CTNNBIP1: variants seen among roughly 807,000 people sequenced by gnomAD.
The protein encoded by CTNNBIP1 is beta-catenin-interacting protein 1.
In CTNNBIP1, 7 loss-of-function variants were observed where a neutral mutation model predicts 11.8. The ratio of observed to expected loss-of-function variants is 0.60; its 90% CI spans 0.34 to 1.12. CTNNBIP1 has a LOEUF of 1.12. CTNNBIP1 is among the 50% of genes most tolerant of loss of function. The probability of loss-of-function intolerance (pLI) is 0.03; values close to 1 mark genes in which losing one functional copy is unlikely to be tolerated. For missense variants in CTNNBIP1, 101 were observed against 113.4 expected (o/e 0.89, Z 0.50); for synonymous variants, 58 against 43.9 (o/e 1.32, Z -1.26).
At chr1:9,875,288 G>A (rs1299384463) in intron 3 of CTNNBIP1, among the ~76,000 whole-genome samples, 1 of 152,228 alleles carries the variant, frequency 6.6e-6, no homozygotes, top group Non-Finnish European at 1.5e-5. Flanking sequence ...AAGGACTGGT[G>A]TCTGGTTTTT....
chr1:9,860,439 A>AG (rs1471128392), intron 5 of CTNNBIP1, among the ~76,000 whole-genome samples: 1 of 150,076 alleles, frequency 6.7e-6, no homozygotes, highest in East Asian at 2.0e-4. Flanking sequence ...AAAAAAAAAA[A>AG]AAAAAAAAAA....
intron 5 of CTNNBIP1, among the ~76,000 whole-genome samples, chr1:9,858,365 A>G (rs1638551964): frequency 6.6e-6 from 1 of 152,008 alleles, no homozygotes; most frequent in Non-Finnish European, 1.5e-5. Flanking sequence ...CCACCTCCTC[A>G]CTGTGGCCTG....
At chr1:9,884,167 C>T (rs971595268) in intron 1 of CTNNBIP1, among the ~76,000 whole-genome samples, 10 of 151,894 alleles carry the variant, frequency 6.6e-5, no homozygotes, top group Middle Eastern at 3.2e-3. Flanking sequence ...TGAGTGGGGG[C>T]GACGGGACTG....
In CTNNBIP1 at chr1:9,871,334, C is replaced by G. The variant is rs1293945126; in HGVS notation, c.97-57G>C. On this transcript the variant is annotated intron_variant, in intron 4 of 5. Transcript: ENST00000377263. The surrounding 1 kb of genome is among the most constrained non-coding windows in gnomAD (Gnocchi z 5.2). ...GCATGCACCTGTTCCCTGAAAGGCA[C>G]CTGCACCCCTAGAGGCACCGCCTAG... is the stretch of plus-strand genomic sequence containing the variant. 1 of 1,309,312 alleles carries G rather than the reference C, an allele frequency of 7.6e-7. No homozygotes were observed. Among genetic ancestry groups the G allele is most frequent in the Non-Finnish European group, 1.1e-6 (1 of 932,272 alleles). 81.1% of individuals were successfully genotyped at this position (1,309,312 alleles called of 1,614,324 possible). A position where few individuals can be genotyped will look rare whatever the true frequency, so the allele number is the denominator to read the frequency against.
intron 5 of CTNNBIP1, among the ~76,000 whole-genome samples, chr1:9,866,160 T>C (rs1638739077): frequency 6.6e-6 from 1 of 152,104 alleles, no homozygotes; most frequent in Non-Finnish European, 1.5e-5. Context: ...ACAGTGTGGG[T>C]GTAGCACAGC....
At chr1:9,885,120 G>C (rs1021825701) in intron 1 of CTNNBIP1, among the ~76,000 whole-genome samples, 1 of 152,194 alleles carries the variant, frequency 6.6e-6, no homozygotes, top group Non-Finnish European at 1.5e-5. Context: ...TCAGGTGAGA[G>C]GGCAGCAGCA....
Position 9,871,121 on chromosome 1 carries a change from A to G in CTNNBIP1, c.187+66T>C. On this transcript the variant is annotated intron_variant, in intron 5 of 5. Transcript: ENST00000377263. The surrounding 1 kb of genome is among the most constrained non-coding windows in gnomAD (Gnocchi z 5.2). ...AAGAGGGCTGGAGCTACGCTTTCTA[A>G]GGGAACCACAAGTCGGTGCCCCTGG... 1 of 1,239,978 alleles carries G rather than the reference A, an allele frequency of 8.1e-7. No individual in the cohort carries two copies. Among genetic ancestry groups the G allele is most frequent in the Non-Finnish European group, 1.1e-6 (1 of 880,134 alleles). The allele number at this position is 1,239,978 out of a possible 1,614,324, so 76.8% of individuals were successfully genotyped here.
rs1343207950 is a variant in CTNNBIP1 at position 9,848,522 on chromosome 1, T to G, written c.*2196A>C. 1 of 152,116 alleles carries G rather than the reference T, an allele frequency of 6.6e-6. No individual in the cohort carries two copies. 9.4% of individuals were successfully genotyped at this position (152,116 alleles called of 1,614,324 possible). A position where few individuals can be genotyped will look rare whatever the true frequency, so the allele number is the denominator to read the frequency against. The stretch of plus-strand genomic sequence containing the variant: ...GCTACAAAGAGGGGGCAGCCAGCAA[T>G]GTGGCCTCGACACCTGACTCCAGGC... On this transcript the variant is annotated 3_prime_UTR_variant, in exon 6 of 6. Transcript: ENST00000377263. This position sits in a 1 kb window ranked among gnomAD's most constrained non-coding sequence, Gnocchi z 4.3.
At chr1:9,876,089 C>G (rs1638963344) in intron 3 of CTNNBIP1, among the ~76,000 whole-genome samples, 1 of 152,192 alleles carries the variant, frequency 6.6e-6, no homozygotes, top group Non-Finnish European at 1.5e-5. Flanking sequence ...AAAAACTGGT[C>G]TCCATTAAAC....
rs1410454801 is a variant in CTNNBIP1, at chr1:9,892,552, C to A, written c.-143-8814G>T. Among the ~76,000 whole-genome samples the A allele has an allele frequency of 2.0e-5, 3 of 150,890 alleles. 1 individual carries two copies. The highest frequency in any genetic ancestry group is 6.6e-5 in the Admixed American group (1 of 15,168). On this transcript the variant is annotated intron_variant, in intron 1 of 5. Coordinates refer to ENST00000377263, the MANE Select transcript of CTNNBIP1 (RefSeq NM_020248.3). Reference sequence around the variant, plus strand: ...AGGTTGCAGTGAGCTATGATCACACCACTGCACCCCAGCCTGGGCAACAGA... The same window carrying A: ...AGGTTGCAGTGAGCTATGATCACACAACTGCACCCCAGCCTGGGCAACAGA...
chr1:9,910,004 C>T, intron 1 of CTNNBIP1, 91 bp downstream of exon 1: 1 of 150,882 alleles, frequency 6.6e-6, no homozygotes, highest in Non-Finnish European at 1.5e-5. Context: ...GGCCCCTCCC[C>T]GGCAGACAAA....
intron 2 of CTNNBIP1, among the ~76,000 whole-genome samples, chr1:9,880,213 G>A (rs1401261452): frequency 2.0e-5 from 3 of 151,464 alleles, no homozygotes; most frequent in Non-Finnish European, 4.4e-5. Context: ...CCACTTATGA[G>A]TGAGAACATA....
chr1:9,892,640 G>A (rs1639330895), intron 1 of CTNNBIP1, among the ~76,000 whole-genome samples: 1 of 151,926 alleles, frequency 6.6e-6, no homozygotes, highest in African/African-American at 2.4e-5. Flanking sequence ...CTTTCCAACA[G>A]GCTGTCAGCA....
intron 1 of CTNNBIP1, among the ~76,000 whole-genome samples, chr1:9,890,034 G>C (rs988310171): frequency 1.1e-4 from 16 of 152,170 alleles, no homozygotes; most frequent in Admixed American, 8.5e-4. Flanking sequence ...ACACACCAAG[G>C]AGCTGGAGGA....
At chr1:9,885,769 C>T (rs1209847399) in intron 1 of CTNNBIP1, among the ~76,000 whole-genome samples, 1 of 151,944 alleles carries the variant, frequency 6.6e-6, no homozygotes, top group Non-Finnish European at 1.5e-5. Context: ...CATGGAGAAA[C>T]CCTGTCTCTA....
intron 1 of CTNNBIP1, among the ~76,000 whole-genome samples, chr1:9,890,513 C>T (rs6666582): frequency 0.016 from 2,483 of 152,290 alleles, 68 homozygotes; most frequent in African/African-American, 0.056. Context: ...GGAACCAGCA[C>T]GCCTACAAAA....
Position 9,867,114 on chromosome 1 carries a change from G to GAGAGGGGGCAACCCTGC in CTNNBIP1, c.187+4072_187+4073insGCAGGGTTGCCCCCTCT, listed in dbSNP as rs1553189240. Among the ~76,000 whole-genome samples, 2 of 152,208 alleles carry GAGAGGGGGCAACCCTGC rather than the reference G, an allele frequency of 1.3e-5. No homozygotes were observed. Among genetic ancestry groups the GAGAGGGGGCAACCCTGC allele is most frequent in the African/African-American group, 4.8e-5 (2 of 41,456 alleles). ...AGCACTGCGTGTGGAACAGGGAGAAGAGAGGGGGCAACCCTGGAGGATGAC... is the reference window on the plus strand; with the variant it reads ...AGCACTGCGTGTGGAACAGGGAGAAGAGAGGGGGCAACCCTGCAGAGGGGGCAACCCTGGAGGATGAC... On this transcript the variant is annotated intron_variant, in intron 5 of 5. Transcript: ENST00000377263. The surrounding 1 kb of genome is among the most constrained non-coding windows in gnomAD (Gnocchi z 4.6).
chr1:9,895,380 T>C (rs1317262314), intron 1 of CTNNBIP1, among the ~76,000 whole-genome samples: 2 of 144,562 alleles, frequency 1.4e-5, no homozygotes, highest in African/African-American at 5.2e-5. Context: ...TGTATTGCAG[T>C]TGAGATGGGG....
intron 1 of CTNNBIP1, among the ~76,000 whole-genome samples, chr1:9,896,425 G>A (rs1451733636): frequency 6.6e-6 from 1 of 152,262 alleles, no homozygotes; most frequent in African/African-American, 2.4e-5. Flanking sequence ...TCAGCCGGGT[G>A]CAGTGGCTCA....
Sources: gnomAD v4.1 joint callset for allele counts (sites outside exome capture counted in the v4.1 genomes callset) on GRCh38, gnomAD v4.1.1 for gene constraint, Gnocchi (gnomAD v3.1) non-coding constraint, MANE v1.5 for transcripts, NCBI Gene and HGNC (gene_info 2026-07-23, HGNC 2026-07-21) for gene names.